Variants in MOCOS observed in about 807,000 individuals in gnomAD.
MOCOS encodes molybdenum cofactor sulfurase.
A neutral mutation model predicts 83.6 loss-of-function variants in MOCOS; 86 were observed. The ratio of observed to expected loss-of-function variants is 1.03; its 90% CI spans 0.86 to 1.23. The LOEUF is 1.23. Among genes scored for constraint, MOCOS ranks in the 50% most tolerant of loss-of-function variants. MOCOS has a pLI of 0.00. For missense variants in MOCOS, 1,120 were observed against 1,126.9 expected (o/e 0.99, Z 0.09); for synonymous variants, 445 against 434.7 (o/e 1.02, Z -0.29).
chr18:36,259,362 T>C (rs1339678764), intron 12 of MOCOS, among the ~76,000 whole-genome samples: 1 of 151,114 alleles, frequency 6.6e-6, no homozygotes, highest in Non-Finnish European at 1.5e-5. Context: ...GGAGAATTAC[T>C]TGAGCCTGGG....
At chr18:36,259,907 A>T in intron 12 of MOCOS, 130 bp from the exon 13 acceptor site, 2 of 1,312,682 alleles carry the variant, frequency 1.5e-6, no homozygotes, top group Non-Finnish European at 2.2e-6. Context: ...GTCTGTTTTG[A>T]TTATCCAGGG....
intron 9 of MOCOS, among the ~76,000 whole-genome samples, chr18:36,237,682 G>C (rs1488102057): frequency 2.6e-5 from 4 of 152,048 alleles, no homozygotes; most frequent in Non-Finnish European, 5.9e-5. Flanking sequence ...TTTTTCTATT[G>C]ATTGGAATAG....
At position 36,199,841 on chromosome 18, in the gene MOCOS, C is replaced by G. The variant is rs1214645430; in HGVS notation, c.458C>G (p.Thr153Ser). ...TTCTGTTACCTCACCGACAGCCACA[C>G]CTCCGTAGTGGGTATGCGGAACGTG... The part of the protein sequence containing the change: ...SRFCYLTDSH[T>S]SVVGMRNVTM... Residue 153 changes from threonine (T) to serine (S), a missense_variant, in exon 4 of 15, where the codon ACC (threonine) becomes AGC (serine). Transcript: ENST00000261326. 5.0e-6 allele frequency: 8 copies of G among 1,614,054 alleles called. No individual in the cohort carries two copies. Among genetic ancestry groups the G allele is most frequent in the African/African-American group, 1.3e-5 (1 of 74,936 alleles).
Position 36,215,636 on chromosome 18 carries a change from A to T in MOCOS, c.1456A>T (p.Ile486Leu), listed in dbSNP as rs765893352. Residue 486 changes from isoleucine to leucine, a missense_variant, in exon 8 of 15, where the codon ATA becomes TTA. Transcript: ENST00000261326. ...TGTCCAGGCCTTTCTTAGGTTCATC[A>T]TAGACACTCGCCTGCACTCATCAGG... ...DDVQAFLRFI[I>L]DTRLHSSGDW... The T allele has an allele frequency of 6.2e-7, 1 of 1,614,160 alleles. No homozygotes were observed. The highest frequency in any genetic ancestry group is 2.2e-5 in the East Asian group (1 of 44,878).
At chr18:36,229,515 C>G (rs2091530136) in intron 9 of MOCOS, among the ~76,000 whole-genome samples, 1 of 152,014 alleles carries the variant, frequency 6.6e-6, no homozygotes, top group South Asian at 2.1e-4. Context: ...ATCTGTTGGG[C>G]TTTTTGAATT....
intron 9 of MOCOS, among the ~76,000 whole-genome samples, chr18:36,243,884 G>A (rs1052444703): frequency 3.3e-5 from 5 of 151,914 alleles, no homozygotes; most frequent in African/African-American, 1.2e-4. Flanking sequence ...TCTTCTCTAG[G>A]TTTTCTAGTT....
intron 1 of MOCOS, among the ~76,000 whole-genome samples, chr18:36,188,246 C>T (rs895261207): frequency 1.3e-5 from 2 of 152,282 alleles, no homozygotes; most frequent in African/African-American, 4.8e-5. Context: ...ATTTTCCTTA[C>T]TCTTACAGCG....
intron 13 of MOCOS, among the ~76,000 whole-genome samples, chr18:36,266,299 G>A (rs2144160152): frequency 1.3e-5 from 2 of 152,110 alleles, no homozygotes; most frequent in South Asian, 4.2e-4. Context: ...CCACGCCTGG[G>A]TAATTTTTGT....
At chr18:36,216,213 T>G (rs1021158044) in intron 8 of MOCOS, among the ~76,000 whole-genome samples, 1 of 152,202 alleles carries the variant, frequency 6.6e-6, no homozygotes, top group East Asian at 1.9e-4. Context: ...TCTTATTAAT[T>G]ATAGCTGTAA....
intron 1 of MOCOS, 149 bp from the exon 2 acceptor site, chr18:36,195,107 CT>C (rs1212341685): frequency 1.4e-6 from 1 of 718,946 alleles, no homozygotes; most frequent in Non-Finnish European, 2.5e-6. Context: ...CCTTCCACTG[CT>C]CATGCCTACA....
chr18:36,193,556 C>G (rs996707663), intron 1 of MOCOS, among the ~76,000 whole-genome samples: 32 of 152,046 alleles, frequency 2.1e-4, no homozygotes, highest in African/African-American at 7.2e-4. Context: ...CGAACTTGGA[C>G]CCCTACCTCA....
intron 6 of MOCOS, among the ~76,000 whole-genome samples, chr18:36,211,149 G>A (rs1402339009): frequency 6.6e-6 from 1 of 152,194 alleles, no homozygotes; most frequent in African/African-American, 2.4e-5. Context: ...CACGATATGG[G>A]AATTTCCACA....
At chr18:36,189,334 G>A (rs1598866804) in intron 1 of MOCOS, among the ~76,000 whole-genome samples, 1 of 152,234 alleles carries the variant, frequency 6.6e-6, no homozygotes, top group East Asian at 1.9e-4. Flanking sequence ...CAAGTTCCTT[G>A]TATTTCCTCT....
intron 13 of MOCOS, among the ~76,000 whole-genome samples, chr18:36,262,828 G>A (rs1165671310): frequency 6.6e-6 from 1 of 152,218 alleles, no homozygotes; most frequent in Non-Finnish European, 1.5e-5. Flanking sequence ...TAAATGCTTG[G>A]CTGGGCACAG....
rs1432829684 is a variant in MOCOS at position 36,238,616 on chromosome 18, T to A, written c.1961-10306T>A. Reference sequence around the variant, plus strand: ...TGAAAAGAATGTATATTCTGTTGATTTGGGGTGGAGAGTTCTGTAGATGTC... The same window carrying A: ...TGAAAAGAATGTATATTCTGTTGATATGGGGTGGAGAGTTCTGTAGATGTC... On this transcript the variant is annotated intron_variant, in intron 9 of 14. Transcript: ENST00000261326. Among the ~76,000 whole-genome samples, 11 of 146,050 alleles carry A rather than the reference T, an allele frequency of 7.5e-5. No individual in the cohort carries two copies. The East Asian group carries it at 2.2e-3, about 29-fold the overall frequency.
At chr18:36,222,121 T>TTATTCA (rs2091498419) in intron 9 of MOCOS, among the ~76,000 whole-genome samples, 1 of 152,328 alleles carries the variant, frequency 6.6e-6, no homozygotes, top group African/African-American at 2.4e-5. Context: ...CATATTTACT[T>TTATTCA]TGTTCATCTC....
At chr18:36,224,497 G>T (rs561797891) in intron 9 of MOCOS, among the ~76,000 whole-genome samples, 1 of 152,056 alleles carries the variant, frequency 6.6e-6, no homozygotes, top group East Asian at 1.9e-4. Flanking sequence ...ATTATGAGAG[G>T]GTGCTGAATT....
chr18:36,204,910 C>T (rs886812926), intron 5 of MOCOS, among the ~76,000 whole-genome samples, 167 bp from the exon 6 acceptor site: 2 of 149,654 alleles, frequency 1.3e-5, no homozygotes, highest in Admixed American at 6.7e-5. Context: ...AGAGGATCAC[C>T]TGAGCCCAGG....
At chr18:36,221,728 G>GTTTT (rs10701522) in intron 9 of MOCOS, among the ~76,000 whole-genome samples, 1 of 132,678 alleles carries the variant, frequency 7.5e-6, no homozygotes, top group Non-Finnish European at 1.6e-5. Context: ...ATATCCCATT[G>GTTTT]TTTTTTTTTT....
Sources: gnomAD v4.1 joint callset for allele counts (sites outside exome capture counted in the v4.1 genomes callset) on GRCh38, gnomAD v4.1.1 for gene constraint, MANE v1.5 for transcripts, NCBI Gene and HGNC (gene_info 2026-07-23, HGNC 2026-07-21) for gene names.